Variants in LRRC1 observed in about 807,000 individuals in gnomAD.
LRRC1 encodes leucine-rich repeat-containing protein 1.
Under a neutral mutation model 69.9 loss-of-function variants are expected in LRRC1, and 28 were observed. The observed-to-expected ratio is 0.40, with a 90% CI of 0.30 to 0.55. LRRC1 has a LOEUF of 0.55. LRRC1 is among the 20% of genes least tolerant of loss of function. The probability of loss-of-function intolerance (pLI) is 0.47; values close to 1 mark genes in which losing one functional copy is unlikely to be tolerated. For missense variants in LRRC1, 498 were observed against 609.0 expected (o/e 0.82, Z 1.92); for synonymous variants, 236 against 240.2 (o/e 0.98, Z 0.16).
At chr6:53,822,316 A>G (rs1765139839) in intron 1 of LRRC1, among the ~76,000 whole-genome samples, 2 of 152,190 alleles carry the variant, frequency 1.3e-5, no homozygotes, top group South Asian at 4.1e-4. Flanking sequence ...CTCTAAAATA[A>G]AGGTCCATAT....
intron 2 of LRRC1, among the ~76,000 whole-genome samples, chr6:53,847,424 G>A (rs1278726369): frequency 6.6e-6 from 1 of 152,164 alleles, no homozygotes; most frequent in Admixed American, 6.5e-5. Context: ...AGCATAATGT[G>A]CCAAAGAGTT....
At chr6:53,851,634 T>G (rs1327377167) in intron 2 of LRRC1, among the ~76,000 whole-genome samples, 2 of 152,168 alleles carry the variant, frequency 1.3e-5, no homozygotes, top group African/African-American at 4.8e-5. Context: ...ACTGTTTAAA[T>G]TTGGCATCCT....
intron 4 of LRRC1, among the ~76,000 whole-genome samples, chr6:53,887,694 A>T (rs1003834542): frequency 2.2e-4 from 33 of 152,076 alleles, no homozygotes; most frequent in African/African-American, 7.7e-4. Context: ...CTCATAATGA[A>T]CACATTAGTG....
chr6:53,795,203 C>G lies in LRRC1; in HGVS notation c.-54C>G. On this transcript the variant is annotated 5_prime_UTR_variant, in exon 1 of 14. Coordinates refer to ENST00000370888, the MANE Select transcript of LRRC1 (RefSeq NM_018214.5). ...GCGGAGCCGCCGGCCAGAGCGGGCT[C>G]GGAGCCCGGGTCTCCGCCGCTCGGG... The G allele has an allele frequency of 1.6e-5, 24 of 1,509,976 alleles. No homozygotes were observed. The highest frequency in any genetic ancestry group is 1.9e-5 in the Non-Finnish European group (22 of 1,130,482). The allele number at this position is 1,509,976 out of a possible 1,614,324, so 93.5% of individuals were successfully genotyped here.
At chr6:53,807,351 G>C (rs981245651) in intron 1 of LRRC1, among the ~76,000 whole-genome samples, 1 of 152,172 alleles carries the variant, frequency 6.6e-6, no homozygotes, top group Non-Finnish European at 1.5e-5. Context: ...TATCTAGAAA[G>C]GCAAATAAAT....
chr6:53,878,849 T>C (rs546509251), intron 2 of LRRC1, 144 bp from the exon 3 acceptor site: 2 of 514,048 alleles, frequency 3.9e-6, no homozygotes, highest in South Asian at 2.8e-5. Context: ...AATATAAATA[T>C]ATTAAAATAC....
intron 1 of LRRC1, among the ~76,000 whole-genome samples, chr6:53,820,572 T>G (rs1765088119): frequency 6.6e-6 from 1 of 151,600 alleles, no homozygotes; most frequent in Non-Finnish European, 1.5e-5. Flanking sequence ...CTTTGATTGT[T>G]CAACACGTTT....
rs760382819 is a variant in LRRC1 at position 53,919,663 on chromosome 6, T to C, written c.1272T>C (p.Thr424=). ...VLLPQLPSEP[T]CQENLPRCGA... Reference sequence around the variant, plus strand: ...TTCCTCAGCTGCCTTCTGAACCTACTTGTCAAGGTGAATTTAATTTAAGGA... The same window carrying C: ...TTCCTCAGCTGCCTTCTGAACCTACCTGTCAAGGTGAATTTAATTTAAGGA... Residue 424 remains threonine, a synonymous_variant, in exon 12 of 14, where the codon ACT becomes ACC. Transcript: ENST00000370888. The C allele has an allele frequency of 4.7e-5, 75 of 1,611,710 alleles. No homozygotes were observed. In the South Asian group the frequency reaches 6.4e-4, roughly 14 times the overall value.
intron 2 of LRRC1, among the ~76,000 whole-genome samples, chr6:53,873,087 A>G (rs1041934229): frequency 6.6e-6 from 1 of 151,872 alleles, no homozygotes. Flanking sequence ...CCATAAGCAC[A>G]GTATATCTTT....
intron 2 of LRRC1, among the ~76,000 whole-genome samples, chr6:53,873,350 G>A (rs1284680215): frequency 2.0e-5 from 3 of 148,792 alleles, no homozygotes; most frequent in Admixed American, 1.3e-4. Flanking sequence ...ACTGTGCAGT[G>A]GTGCGATCTG....
intron 2 of LRRC1, among the ~76,000 whole-genome samples, chr6:53,870,133 A>G (rs1265794390): frequency 1.3e-5 from 2 of 152,166 alleles, no homozygotes; most frequent in South Asian, 2.1e-4. Context: ...TAGGTCTGCT[A>G]TGTCTGGACT....
intron 10 of LRRC1, among the ~76,000 whole-genome samples, chr6:53,908,866 G>A (rs1157772380): frequency 6.6e-6 from 1 of 151,966 alleles, no homozygotes; most frequent in East Asian, 1.9e-4. Context: ...AAATAGAAAT[G>A]GCAACTAATG....
At chr6:53,803,297 G>T (rs778343667) in intron 1 of LRRC1, among the ~76,000 whole-genome samples, 2 of 152,070 alleles carry the variant, frequency 1.3e-5, no homozygotes, top group Non-Finnish European at 2.9e-5. Context: ...GTTCTTTTTG[G>T]GTGAGGATCC....
At chr6:53,798,720 A>G (rs921908789) in intron 1 of LRRC1, among the ~76,000 whole-genome samples, 9 of 152,170 alleles carry the variant, frequency 5.9e-5, no homozygotes, top group Non-Finnish European at 1.2e-4. Flanking sequence ...GTGACACCCA[A>G]TAGGTCTTGC....
At chr6:53,842,073 A>G in intron 1 of LRRC1, 37 bp from the exon 2 acceptor site, 2 of 1,303,042 alleles carry the variant, frequency 1.5e-6, no homozygotes, top group Non-Finnish European at 1.1e-6. Flanking sequence ...TGATACAAAC[A>G]TATGTGAAAT....
chr6:53,865,818 A>G (rs1413224434), intron 2 of LRRC1, among the ~76,000 whole-genome samples: 2 of 151,246 alleles, frequency 1.3e-5, no homozygotes, highest in Non-Finnish European at 2.9e-5. Context: ...ACCTCCCAGG[A>G]TCACGTGATT....
At chr6:53,834,909 C>T (rs1483090491) in intron 1 of LRRC1, among the ~76,000 whole-genome samples, 1 of 152,130 alleles carries the variant, frequency 6.6e-6, no homozygotes, top group East Asian at 1.9e-4. Context: ...TTGCAGTGAG[C>T]CGAGATCATG....
chr6:53,920,830 G>A (rs1768718085), intron 13 of LRRC1, 69 bp downstream of exon 13: 8 of 1,526,300 alleles, frequency 5.2e-6, no homozygotes, highest in Non-Finnish European at 5.4e-6. Context: ...CACCTAATAA[G>A]GATATTCTTT....
chr6:53,896,418 AGTGT>A, intron 4 of LRRC1, 76 bp from the exon 5 acceptor site: 1 of 1,169,414 alleles, frequency 8.6e-7, no homozygotes, highest in Non-Finnish European at 1.3e-6. Context: ...CAACTTGTCC[AGTGT>A]GTGTATGGGG....
Sources: allele counts gnomAD v4.1 joint callset (sites outside exome capture counted in the v4.1 genomes callset), GRCh38; gene constraint gnomAD v4.1.1; transcripts MANE v1.5; gene names NCBI Gene and HGNC (gene_info 2026-07-23, HGNC 2026-07-21).